The following GLIS3 variants were observed in gnomAD, a reference collection of about 807,000 sequenced individuals.
GLIS3 encodes the protein zinc finger protein GLIS3.
A neutral mutation model predicts 78.6 loss-of-function variants in GLIS3; 53 were observed. The ratio of observed to expected loss-of-function variants is 0.67; its 90% CI spans 0.54 to 0.85. GLIS3 has a LOEUF of 0.85. Among genes scored for constraint, GLIS3 ranks in the 40% least tolerant of loss-of-function variants. The pLI, the probability that GLIS3 is intolerant of heterozygous loss-of-function variation, is 0.00. For synonymous variants in GLIS3, 684 were observed against 509.9 expected (o/e 1.34, Z -4.60); for missense variants, 1,703 against 1,231.1 (o/e 1.38, Z -5.74).
At chr9:4,398,218 A>T in the GLIS3 span, among the ~76,000 whole-genome samples, 3 of 151,550 alleles carry the variant, frequency 2.0e-5, no homozygotes, top group African/African-American at 7.3e-5. Context: ...GCTGAGGCAT[A>T]TTTTTTTTAA....
intron 6 of GLIS3, among the ~76,000 whole-genome samples, chr9:3,924,309 T>C (rs2130743579): frequency 6.6e-6 from 1 of 152,340 alleles, no homozygotes; most frequent in South Asian, 2.1e-4. Context: ...GGCATAACAA[T>C]GCTTTCTACT....
At chr9:4,457,786 G>A in the GLIS3 span, among the ~76,000 whole-genome samples, 1 of 149,930 alleles carries the variant, frequency 6.7e-6, no homozygotes, top group East Asian at 2.0e-4. Context: ...GGAGGCAGAG[G>A]TTGCAGTGAG....
intron 9 of GLIS3, among the ~76,000 whole-genome samples, chr9:3,847,979 G>C (rs1452206772): frequency 6.6e-6 from 1 of 152,096 alleles, no homozygotes; most frequent in Non-Finnish European, 1.5e-5. Context: ...TCACTCATCG[G>C]CTCATTTCTT....
At chr9:4,157,304 T>C (rs1455639670) in intron 2 of GLIS3, among the ~76,000 whole-genome samples, 1 of 152,164 alleles carries the variant, frequency 6.6e-6, no homozygotes, top group Non-Finnish European at 1.5e-5. Flanking sequence ...CAAATTGGTG[T>C]GACTTACAGT....
At chr9:4,125,564 T>C (rs1375606789) in intron 3 of GLIS3, among the ~76,000 whole-genome samples, 170 bp downstream of exon 3, 2 of 152,134 alleles carry the variant, frequency 1.3e-5, no homozygotes, top group Non-Finnish European at 2.9e-5. Context: ...AGATGGCACA[T>C]ACTTAGTTTT....
chr9:4,383,493 C>T, the GLIS3 span, among the ~76,000 whole-genome samples: 7 of 152,208 alleles, frequency 4.6e-5, no homozygotes, highest in African/African-American at 7.2e-5. Flanking sequence ...CTGGCAGAAG[C>T]TGTTTAGTAA....
chr9:4,188,912 G>T (rs1488433839), intron 2 of GLIS3, among the ~76,000 whole-genome samples: 1 of 151,916 alleles, frequency 6.6e-6, no homozygotes, highest in African/African-American at 2.4e-5. Flanking sequence ...TCTTGCTAGC[G>T]GTCTATCAAT....
At chr9:3,895,202 G>C (rs1822740984) in intron 7 of GLIS3, among the ~76,000 whole-genome samples, 1 of 152,194 alleles carries the variant, frequency 6.6e-6, no homozygotes, top group South Asian at 2.1e-4. Flanking sequence ...CAAGCACTAA[G>C]CCTTGAAAGT....
intron 2 of GLIS3, among the ~76,000 whole-genome samples, chr9:4,136,135 G>A (rs1199004473): frequency 6.6e-6 from 1 of 152,094 alleles, no homozygotes; most frequent in Non-Finnish European, 1.5e-5. Context: ...CAAAACCTAT[G>A]GAAGGTAAGG....
At chr9:3,887,929 C>G (rs1279917885) in intron 7 of GLIS3, among the ~76,000 whole-genome samples, 7 of 152,208 alleles carry the variant, frequency 4.6e-5, no homozygotes, top group African/African-American at 1.7e-4. Flanking sequence ...CATGACACAG[C>G]TAACCTCAAA....
chr9:3,994,690 C>T (rs970514230), intron 4 of GLIS3, among the ~76,000 whole-genome samples: 16 of 152,304 alleles, frequency 1.1e-4, no homozygotes, highest in African/African-American at 3.8e-4. Context: ...TGATGTCAGC[C>T]TGTGCTCAAC....
the GLIS3 span, among the ~76,000 whole-genome samples, chr9:4,488,545 G>T: frequency 6.6e-6 from 1 of 151,736 alleles, no homozygotes; most frequent in African/African-American, 2.4e-5. Flanking sequence ...ATGAGACAGG[G>T]TTTCCCTCCG....
At chr9:4,102,082 A>G (rs1171076322) in intron 4 of GLIS3, among the ~76,000 whole-genome samples, 2 of 152,172 alleles carry the variant, frequency 1.3e-5, no homozygotes, top group Non-Finnish European at 2.9e-5. Flanking sequence ...AAAATACTGC[A>G]CTATTTCTGC....
intron 6 of GLIS3, among the ~76,000 whole-genome samples, chr9:3,904,542 A>C (rs952278878): frequency 2.0e-5 from 3 of 152,180 alleles, no homozygotes; most frequent in African/African-American, 7.2e-5. Flanking sequence ...TGACTGATAC[A>C]GATACTATTA....
chr9:4,295,152 G>C (rs1816369366), intron 1 of GLIS3, among the ~76,000 whole-genome samples: 1 of 152,120 alleles, frequency 6.6e-6, no homozygotes, highest in African/African-American at 2.4e-5. Context: ...AGTTGCAAAT[G>C]AACAGTTCAA....
chr9:4,045,312 G>A (rs1011544651), intron 4 of GLIS3, among the ~76,000 whole-genome samples: 1 of 152,020 alleles, frequency 6.6e-6, no homozygotes, highest in Non-Finnish European at 1.5e-5. Context: ...GGAAGATGAA[G>A]TGTTCTGAAC....
intron 4 of GLIS3, among the ~76,000 whole-genome samples, chr9:4,005,941 T>C (rs926197498): frequency 2.8e-4 from 43 of 152,354 alleles, no homozygotes; most frequent in African/African-American, 9.9e-4. Context: ...ACAGTACTAC[T>C]GTAGTCTGAA....
At chr9:4,354,485 C>G in the GLIS3 span, among the ~76,000 whole-genome samples, 1 of 152,168 alleles carries the variant, frequency 6.6e-6, no homozygotes, top group African/African-American at 2.4e-5. Context: ...CAGGATCTCA[C>G]TTTCTATAGA....
chr9:4,420,322 C>A, the GLIS3 span, among the ~76,000 whole-genome samples: 3 of 152,166 alleles, frequency 2.0e-5, no homozygotes, highest in Non-Finnish European at 4.4e-5. Context: ...TTTCTTCCAT[C>A]ACTGAAGCCA....
Sources: allele counts gnomAD v4.1 joint callset (sites outside exome capture counted in the v4.1 genomes callset), GRCh38; gene constraint gnomAD v4.1.1; transcripts MANE v1.5; gene names NCBI Gene and HGNC (gene_info 2026-07-23, HGNC 2026-07-21).